Variants in UBR4 observed in about 807,000 individuals in gnomAD.
UBR4 encodes the protein ubiquitin protein ligase E3 component n-recognin 4, also known as E3 ubiquitin-protein ligase UBR4.
A neutral mutation model predicts 575.6 loss-of-function variants in UBR4; 124 were observed. That is an observed-to-expected ratio of 0.22 (90% CI 0.19 to 0.25). The LOEUF (loss-of-function observed/expected upper bound fraction) is 0.25, where lower values mean the gene tolerates loss of function less well. Ranked by LOEUF, UBR4 falls within the 10% of genes least tolerant of loss-of-function variation. The probability of loss-of-function intolerance (pLI) is 1.00; values close to 1 mark genes in which losing one functional copy is unlikely to be tolerated. For missense variants in UBR4, 4,818 were observed against 6,478.8 expected (o/e 0.74, Z 8.80); for synonymous variants, 2,455 against 2,473.7 (o/e 0.99, Z 0.22).
Position 19,153,550 on chromosome 1 carries a change from C to G in UBR4, c.6631-48G>C. On this transcript the variant is annotated intron_variant, in intron 45 of 105. Transcript: ENST00000375254. The surrounding 1 kb of genome is among the most constrained non-coding windows in gnomAD (Gnocchi z 4.1). ...GGTCTTCGTTCCCACACCCACAGAT[C>G]AGCATCCTCACAGAAAAAGAGGCAG... The G allele has an allele frequency of 1.2e-6, 2 of 1,601,088 alleles. No individual in the cohort carries two copies. Among genetic ancestry groups the G allele is most frequent in the Non-Finnish European group, 8.5e-7 (1 of 1,170,410 alleles).
Position 19,177,677 on chromosome 1 carries a change from A to G in UBR4, c.2421T>C (p.Asn807=), listed in dbSNP as rs1294947798. 3.7e-6 allele frequency: 6 copies of G among 1,614,018 alleles called. No individual in the cohort carries two copies. The highest frequency in any genetic ancestry group is 5.1e-6 in the Non-Finnish European group (6 of 1,180,018). Residue 807 remains asparagine (N), a synonymous_variant, in exon 19 of 106, where the codon AAT becomes AAC. Transcript: ENST00000375254. Reference sequence around the variant, plus strand: ...GGAGGAGCATCTGCAGGTGTTCTACATTCAGATCCTCTGTCTCACTGGGCA... The same window carrying G: ...GGAGGAGCATCTGCAGGTGTTCTACGTTCAGATCCTCTGTCTCACTGGGCA... ...GVVPSETEDL[N]VEHLQMLLLI...
chr1:19,105,329 C>T lies in UBR4; in HGVS notation c.12504-140G>A, dbSNP rs187125438. 577 of 1,023,962 alleles carry T rather than the reference C, an allele frequency of 5.6e-4. 3 individuals are homozygous for T. The highest frequency in any genetic ancestry group is 2.9e-4 in the Non-Finnish European group (213 of 723,056). The allele number at this position is 1,023,962 out of a possible 1,614,324, so 63.4% of individuals were successfully genotyped here. On this transcript the variant is annotated intron_variant, in intron 84 of 105. Transcript: ENST00000375254. ...TTCCTAGAGGGTGGAGGAACAGCAT[C>T]CAAGACAGCTCCAATTCCCACATGG...
chr1:19,179,291 C>T, intron 17 of UBR4, 71 bp from the exon 18 acceptor site: 1 of 1,415,692 alleles, frequency 7.1e-7, no homozygotes, highest in Non-Finnish European at 9.3e-7. Flanking sequence ...TACTCATGTT[C>T]TCAAACGTTT....
intron 2 of UBR4, among the ~76,000 whole-genome samples, 170 bp from the exon 3 acceptor site, chr1:19,199,924 T>C (rs546949528): frequency 1.3e-5 from 2 of 152,336 alleles, no homozygotes; most frequent in African/African-American, 4.8e-5. Context: ...AACTACCAGA[T>C]CAATTTATCT....
rs2086649827 is a variant in UBR4, at chr1:19,157,715, T to C, written c.5760+100A>G. On this transcript the variant is annotated intron_variant, in intron 40 of 105. Coordinates refer to ENST00000375254, the MANE Select transcript of UBR4 (RefSeq NM_020765.3). This position sits in a 1 kb window ranked among gnomAD's most constrained non-coding sequence, Gnocchi z 4.4. ...GCATTCTTAGAACGCAGTGGACTTTTTCCCACAGAGGGCTAATCCGAATGT... is the reference window on the plus strand; with the variant it reads ...GCATTCTTAGAACGCAGTGGACTTTCTCCCACAGAGGGCTAATCCGAATGT... 1 of 1,466,188 alleles carries C rather than the reference T, an allele frequency of 6.8e-7. No homozygotes were observed. Among genetic ancestry groups the C allele is most frequent in the Non-Finnish European group, 9.2e-7 (1 of 1,089,530 alleles). The allele number at this position is 1,466,188 out of a possible 1,614,324, so 90.8% of individuals were successfully genotyped here.
chr1:19,082,058 C>T, intron 102 of UBR4: 3 of 493,048 alleles, frequency 6.1e-6, no homozygotes, highest in Non-Finnish European at 7.2e-6. Context: ...GTTATGTTTA[C>T]ATGGTTTGCA....
In UBR4 at chr1:19,128,894, C is replaced by A; in HGVS notation, c.9003+84G>T. 3.9e-6 allele frequency: 5 copies of A among 1,282,646 alleles called. No individual in the cohort carries two copies. In the Admixed American group the frequency reaches 8.7e-5, roughly 22 times the overall value. 79.5% of individuals were successfully genotyped at this position (1,282,646 alleles called of 1,614,324 possible). Reference sequence around the variant, plus strand: ...TGGCCTAACACCAAACGAAGGCTTCCAGGTCCTCTGGAAGAGAGATGTGGG... The same window carrying A: ...TGGCCTAACACCAAACGAAGGCTTCAAGGTCCTCTGGAAGAGAGATGTGGG... On this transcript the variant is annotated intron_variant, in intron 61 of 105. Transcript: ENST00000375254.
In UBR4 at chr1:19,164,458, A is replaced by G. The variant is rs777519000; in HGVS notation, c.4512-17T>C. ...CCAACTTGGCTAGGAGAAAAGAAAG[A>G]GCAAGTTGGTGAATAATCAACAGGA... On this transcript the variant is annotated splice_polypyrimidine_tract_variant and intron_variant, in intron 32 of 105. Transcript: ENST00000375254. The G allele has an allele frequency of 6.2e-7, 1 of 1,608,412 alleles. No individual in the cohort carries two copies. Among genetic ancestry groups the G allele is most frequent in the Non-Finnish European group, 8.5e-7 (1 of 1,176,992 alleles).
chr1:19,190,312 A>AAAAAAAAAAAAAT, intron 11 of UBR4, among the ~76,000 whole-genome samples: 1 of 79,918 alleles, frequency 1.3e-5, no homozygotes, highest in African/African-American at 5.3e-5. Context: ...AAAAAAAAAA[A>AAAAAAAAAAAAAT]ATATATATAT....
intron 65 of UBR4, 120 bp downstream of exon 65, chr1:19,124,421 A>G (rs2081511447): frequency 1.5e-6 from 2 of 1,348,356 alleles, no homozygotes; most frequent in African/African-American, 3.0e-5. Context: ...AGACCTACAA[A>G]GGTGAAAGGG....
At position 19,153,194 on chromosome 1, in the gene UBR4, A is replaced by G; in HGVS notation, c.6832+107T>C. The G allele has an allele frequency of 2.4e-6, 3 of 1,267,164 alleles. No homozygotes were observed. The highest frequency in any genetic ancestry group is 3.4e-6 in the Non-Finnish European group (3 of 893,642). 78.5% of individuals were successfully genotyped at this position (1,267,164 alleles called of 1,614,324 possible). A position where few individuals can be genotyped will look rare whatever the true frequency, so the allele number is the denominator to read the frequency against. ...AATTAACTTTACAAAATGTGCAAGT[A>G]GGACAGTCACATTTCTTCACAGATA... On this transcript the variant is annotated intron_variant, in intron 46 of 105. Transcript: ENST00000375254. The surrounding 1 kb of genome is among the most constrained non-coding windows in gnomAD (Gnocchi z 4.1).
At position 19,141,792 on chromosome 1, in the gene UBR4, C is replaced by A. The variant is rs1410690480; in HGVS notation, c.8180-15G>T. The A allele has an allele frequency of 9.9e-6, 16 of 1,612,998 alleles. No homozygotes were observed. Among genetic ancestry groups the A allele is most frequent in the African/African-American group, 4.0e-5 (3 of 74,934 alleles). ...ATCCTTGTCTCCTGAGTCAAAGAAA[C>A]CCCAGTCACCTGAAGGTGCTTGCTT... On this transcript the variant is annotated splice_polypyrimidine_tract_variant and intron_variant, in intron 55 of 105. Coordinates refer to ENST00000375254, the MANE Select transcript of UBR4 (RefSeq NM_020765.3).
Position 19,147,892 on chromosome 1 carries a change from C to T in UBR4, c.7629+101G>A, listed in dbSNP as rs762433469. ...GTAGGTCTAATCTGAATGCTATCCT[C>T]CCTCTACCTTACTTTGCTGTGCTGT... On this transcript the variant is annotated intron_variant, in intron 51 of 105. Coordinates refer to ENST00000375254, the MANE Select transcript of UBR4 (RefSeq NM_020765.3). The T allele has an allele frequency of 5.2e-4, 778 of 1,507,854 alleles. 1 individual carries two copies. The highest frequency in any genetic ancestry group is 4.9e-4 in the Non-Finnish European group (545 of 1,120,270). 93.4% of individuals were successfully genotyped at this position (1,507,854 alleles called of 1,614,324 possible).
intron 60 of UBR4, among the ~76,000 whole-genome samples, chr1:19,134,671 T>C (rs2082984927): frequency 6.6e-6 from 1 of 151,938 alleles, no homozygotes; most frequent in Admixed American, 6.6e-5. Flanking sequence ...CAAAGGATCT[T>C]CCTCAAGTGG....
At chr1:19,149,532 A>AAG (rs1042338503) in intron 49 of UBR4, among the ~76,000 whole-genome samples, 25 of 152,170 alleles carry the variant, frequency 1.6e-4, no homozygotes, top group African/African-American at 6.0e-4. Context: ...TAGGGTAAGG[A>AAG]AGAGAGAGTT....
intron 99 of UBR4, 139 bp from the exon 100 acceptor site, chr1:19,086,960 G>C: frequency 1.7e-6 from 2 of 1,203,150 alleles, no homozygotes; most frequent in Non-Finnish European, 2.3e-6. Flanking sequence ...GTTCAGAAGA[G>C]CAGGTAAGGC....
intron 60 of UBR4, among the ~76,000 whole-genome samples, chr1:19,130,823 CAT>C (rs1351360333): frequency 6.6e-6 from 1 of 152,134 alleles, no homozygotes; most frequent in Non-Finnish European, 1.5e-5. Context: ...AATACACACA[CAT>C]GAAGAAAAAA....
chr1:19,147,980 A>C lies in UBR4; in HGVS notation c.7629+13T>G, dbSNP rs751381224. 6.2e-7 allele frequency: 1 copy of C among 1,608,984 alleles called. No individual in the cohort carries two copies. The highest frequency in any genetic ancestry group is 8.5e-7 in the Non-Finnish European group (1 of 1,177,708). On this transcript the variant is annotated intron_variant, in intron 51 of 105. Transcript: ENST00000375254. ...TCAGCACTGCAATTTCCTTTCCCTG[A>C]GAGAACAGTTACCTTGTGGCTGTGG...
At chr1:19,078,250 G>C in intron 103 of UBR4, 184 bp from the exon 104 acceptor site, 1 of 564,980 alleles carries the variant, frequency 1.8e-6, no homozygotes, top group Non-Finnish European at 3.1e-6. Context: ...CTGGGACCCA[G>C]AAGTTTATTG....
Sources: allele counts gnomAD v4.1 joint callset (sites outside exome capture counted in the v4.1 genomes callset), GRCh38; gene constraint gnomAD v4.1.1; non-coding constraint Gnocchi (gnomAD v3.1); transcripts MANE v1.5; gene names NCBI Gene and HGNC (gene_info 2026-07-23, HGNC 2026-07-21).